Variants in LRP1 observed in about 807,000 individuals in gnomAD.
LRP1 encodes LDL receptor related protein 1.
A neutral mutation model predicts 541.5 loss-of-function variants in LRP1; 51 were observed. The observed-to-expected ratio is 0.09, with a 90% CI of 0.08 to 0.12. The LOEUF is 0.12. Ranked by LOEUF, LRP1 falls within the 10% of genes least tolerant of loss-of-function variation. The probability of loss-of-function intolerance (pLI) is 1.00; values close to 1 mark genes in which losing one functional copy is unlikely to be tolerated. For synonymous variants in LRP1, 2,219 were observed against 2,470.8 expected, an observed-to-expected ratio of 0.90 and a Z score of 3.02; for missense variants, 3,878 against 6,376.2, an observed-to-expected ratio of 0.61 and a Z score of 13.34.
intron 83 of LRP1, 113 bp downstream of exon 83, chr12:57,210,992 A>T: frequency 6.9e-7 from 1 of 1,454,150 alleles, no homozygotes; most frequent in Non-Finnish European, 9.2e-7. Context: ...TTCAGGAAAG[A>T]AGGCCTTATG....
At chr12:57,210,254 G>T (rs1405622945) in intron 81 of LRP1, 53 bp from the exon 82 acceptor site, 2 of 1,547,224 alleles carry the variant, frequency 1.3e-6, no homozygotes, top group African/African-American at 2.7e-5. Flanking sequence ...CTTGTTGCCT[G>T]TCCCTCTCCT....
At chr12:57,208,874 C>T (rs949650447) in intron 78 of LRP1, 57 bp downstream of exon 78, 4 of 1,411,982 alleles carry the variant, frequency 2.8e-6, no homozygotes, top group Non-Finnish European at 4.0e-6. Flanking sequence ...CTCGCAGAGC[C>T]CAGCTGCTGC....
chr12:57,145,500 C>G lies in LRP1; in HGVS notation c.841+10C>G. 1 of 1,610,954 alleles carries G rather than the reference C, an allele frequency of 6.2e-7. No homozygotes were observed. The highest frequency in any genetic ancestry group is 1.1e-5 in the South Asian group (1 of 91,024). On this transcript the variant is annotated intron_variant, in intron 6 of 88. Transcript: ENST00000243077. ...TCCCTCAGTCTGCACCGTGAGTCAC[C>G]TGCTCTCAGCTTGGAGGGCTGGGGA...
At position 57,183,928 on chromosome 12, in the gene LRP1, T is replaced by G; in HGVS notation, c.5929+19T>G. 1.2e-6 allele frequency: 2 copies of G among 1,613,896 alleles called. No individual in the cohort carries two copies. The highest frequency in any genetic ancestry group is 1.7e-6 in the Non-Finnish European group (2 of 1,179,994). On this transcript the variant is annotated intron_variant, in intron 36 of 88. Coordinates refer to ENST00000243077, the MANE Select transcript of LRP1 (RefSeq NM_002332.3). This position sits in a 1 kb window ranked among gnomAD's most constrained non-coding sequence, Gnocchi z 6.1. ...ATCGCAGGTGAGCAGTGGGCAGGTT[T>G]GTGGGGCTTGGGGTGTGGCAGAGGA...
rs372540034 is a variant in LRP1 at position 57,210,752 on chromosome 12, G to A, written c.12789G>A (p.Thr4263=). ...MPTCRCPTGF[T]GPKCTQQVCA... is the part of the protein sequence containing the mutation. ...CGTGCCGGTGCCCCACGGGCTTCAC[G>A]GGCCCCAAATGCACCCAGCAGGTGT... The change falls in exon 83 of 89, where the codon ACG becomes ACA. Residue 4263 remains threonine, a synonymous_variant. Transcript: ENST00000243077. The A allele has an allele frequency of 5.6e-6, 9 of 1,611,572 alleles. No homozygotes were observed. Among genetic ancestry groups the A allele is most frequent in the South Asian group, 2.2e-5 (2 of 91,028 alleles).
Position 57,185,228 on chromosome 12 carries a change from G to A in LRP1, c.6463+23G>A, listed in dbSNP as rs1323162065. On this transcript the variant is annotated intron_variant, in intron 40 of 88. Transcript: ENST00000243077. The surrounding 1 kb of genome is among the most constrained non-coding windows in gnomAD (Gnocchi z 4.9). The stretch of plus-strand genomic sequence containing the variant: ...AAGGTGAGGCTGGGGCTCTGGGCTG[G>A]GGTGGAGAGGTGAGGGGGACTCTGG... 1.9e-6 allele frequency: 3 copies of A among 1,613,274 alleles called. No homozygotes were observed. In the African/African-American group the frequency reaches 4.0e-5, roughly 22 times the overall value.
At chr12:57,140,227 A>G (rs1422403111) in intron 2 of LRP1, among the ~76,000 whole-genome samples, 2 of 152,258 alleles carry the variant, frequency 1.3e-5, no homozygotes, top group South Asian at 4.1e-4. Context: ...GGCGTGAGCC[A>G]CCATGCCTGG....
In LRP1 at chr12:57,211,534, A is replaced by G; in HGVS notation, c.13139A>G (p.His4380Arg). 1 of 1,613,764 alleles carries G rather than the reference A, an allele frequency of 6.2e-7. No homozygotes were observed. Among genetic ancestry groups the G allele is most frequent in the Non-Finnish European group, 8.5e-7 (1 of 1,179,954 alleles). ...VAPSCLTCVG[H>R]CSNGGSCTMN... ...CCCAGCTGTCTGACCTGCGTCGGCC[A>G]CTGCAGCAATGGCGGCTCCTGTACC... The change falls in exon 85 of 89, where the codon CAC becomes CGC. Residue 4380 changes from histidine to arginine, a missense_variant. Transcript: ENST00000243077. The surrounding 1 kb of genome is among the most constrained non-coding windows in gnomAD (Gnocchi z 4.3).
chr12:57,200,220 A>G (rs1269514454), intron 62 of LRP1, 195 bp downstream of exon 62: 1 of 633,394 alleles, frequency 1.6e-6, no homozygotes, highest in East Asian at 2.7e-5. Flanking sequence ...AGACACCTCC[A>G]CACCCTAACC....
chr12:57,162,347 G>T lies in LRP1; in HGVS notation c.2233G>T (p.Ala745Ser). 1 of 1,614,102 alleles carries T rather than the reference G, an allele frequency of 6.2e-7. No homozygotes were observed. Among genetic ancestry groups the T allele is most frequent in the South Asian group, 1.1e-5 (1 of 91,070 alleles). Residue 745 changes from alanine (A) to serine (S), a missense_variant, in exon 14 of 89, where the codon GCC (alanine) becomes TCC (serine). By Grantham distance (99) the Ala-to-Ser change is moderately conservative (BLOSUM62 1). This residue lies in a region of LRP1 where 496 missense variants were observed against 861.0 expected (regional missense o/e 0.58). Transcript: ENST00000243077. This position sits in a 1 kb window ranked among gnomAD's most constrained non-coding sequence, Gnocchi z 5.2. ...IVYEGPELNH[A>S]FGLCHHGNYL... ...GTATGAAGGTCCTGAGCTGAACCAC[G>T]CCTTTGGCCTGTGTCACCATGGCAA...
At chr12:57,138,966 G>C (rs1385526) in intron 2 of LRP1, among the ~76,000 whole-genome samples, 39,600 of 152,102 alleles carry the variant, frequency 0.26, 6,370 homozygotes, top group Admixed American at 0.37. Flanking sequence ...CTGTCCTTTG[G>C]CTCCCAGGCC....
intron 44 of LRP1, 40 bp downstream of exon 44, chr12:57,191,552 G>A (rs1225446913): frequency 4.5e-6 from 7 of 1,540,942 alleles, no homozygotes; most frequent in East Asian, 2.3e-5. Flanking sequence ...CCTCCTGCCT[G>A]TCGTGCATGG....
Position 57,185,239 on chromosome 12 carries a change from T to A in LRP1, c.6463+34T>A, listed in dbSNP as rs757519547. On this transcript the variant is annotated intron_variant, in intron 40 of 88. Coordinates refer to ENST00000243077, the MANE Select transcript of LRP1 (RefSeq NM_002332.3). The surrounding 1 kb of genome is among the most constrained non-coding windows in gnomAD (Gnocchi z 4.9). ...GGGGCTCTGGGCTGGGGTGGAGAGG[T>A]GAGGGGGACTCTGGCCTGGGAGAGT... 1.6e-5 allele frequency: 26 copies of A among 1,610,108 alleles called. 2 individuals carry two copies. The Middle Eastern group carries it at 4.9e-4, about 31-fold the overall frequency.
At chr12:57,148,389 C>T (rs550188177) in intron 6 of LRP1, among the ~76,000 whole-genome samples, 3 of 151,954 alleles carry the variant, frequency 2.0e-5, no homozygotes, top group Admixed American at 6.5e-5. Flanking sequence ...AAATTGAGGC[C>T]CAGAGGGATC....
intron 13 of LRP1, among the ~76,000 whole-genome samples, chr12:57,161,990 C>T (rs1050305531): frequency 4.8e-5 from 7 of 147,080 alleles, no homozygotes; most frequent in African/African-American, 1.1e-4. Flanking sequence ...TGTGCGCGCA[C>T]GCATATGAGT....
At position 57,178,684 on chromosome 12, in the gene LRP1, G is replaced by A; in HGVS notation, c.4606+81G>A. 1 of 1,590,830 alleles carries A rather than the reference G, an allele frequency of 6.3e-7. No homozygotes were observed. Among genetic ancestry groups the A allele is most frequent in the Non-Finnish European group, 8.6e-7 (1 of 1,166,826 alleles). ...CTGTAGAAGCTCTTAGGAGAGGAGA[G>A]GGCAGTGAGAACAGGAGCAAGTCTG... is the stretch of plus-strand genomic sequence containing the variant. On this transcript the variant is annotated intron_variant, in intron 27 of 88. Coordinates refer to ENST00000243077, the MANE Select transcript of LRP1 (RefSeq NM_002332.3). The surrounding 1 kb of genome is among the most constrained non-coding windows in gnomAD (Gnocchi z 5.8).
At chr12:57,169,360 A>T in intron 20 of LRP1, 53 bp downstream of exon 20, 1 of 1,497,242 alleles carries the variant, frequency 6.7e-7, no homozygotes, top group Non-Finnish European at 9.1e-7. Context: ...CCTGCATCAG[A>T]CACCCAGCCT....
At chr12:57,134,767 C>T (rs1452031871) in intron 1 of LRP1, among the ~76,000 whole-genome samples, 1 of 151,968 alleles carries the variant, frequency 6.6e-6, no homozygotes, top group African/African-American at 2.4e-5. Context: ...TGCAGTGGCG[C>T]GATCTCAGTT....
chr12:57,164,283 GA>G (rs1431130937), intron 15 of LRP1: 2 of 152,168 alleles, frequency 1.3e-5, no homozygotes, highest in Non-Finnish European at 2.9e-5. Flanking sequence ...CCATTTGGGG[GA>G]ACCACCTCCC....
Sources: allele counts gnomAD v4.1 joint callset (sites outside exome capture counted in the v4.1 genomes callset), GRCh38; gene constraint gnomAD v4.1.1; regional missense constraint gnomAD v4.1.1; non-coding constraint Gnocchi (gnomAD v3.1); transcripts MANE v1.5; gene names NCBI Gene and HGNC (gene_info 2026-07-23, HGNC 2026-07-21).